The following OPCML variants were observed in gnomAD, a reference collection of about 807,000 sequenced individuals.
The protein encoded by OPCML is opioid-binding protein/cell adhesion molecule.
A neutral mutation model predicts 37.8 loss-of-function variants in OPCML; 13 were observed. That is an observed-to-expected ratio of 0.34 (90% CI 0.22 to 0.55). The LOEUF is 0.55. Among genes scored for constraint, OPCML ranks in the 20% least tolerant of loss-of-function variants. The probability of loss-of-function intolerance (pLI) is 0.91; values close to 1 mark genes in which losing one functional copy is unlikely to be tolerated. For synonymous variants in OPCML, 176 were observed against 168.8 expected (o/e 1.04, Z -0.33); for missense variants, 341 against 435.6 (o/e 0.78, Z 1.93).
chr11:133,267,898 C>T (rs946939210), intron 1 of OPCML, among the ~76,000 whole-genome samples: 2 of 152,146 alleles, frequency 1.3e-5, no homozygotes, highest in African/African-American at 2.4e-5. Flanking sequence ...GGAGGCCTCC[C>T]CAGCCATGTG....
intron 2 of OPCML, among the ~76,000 whole-genome samples, chr11:132,720,027 T>C (rs1414071808): frequency 6.6e-6 from 1 of 152,228 alleles, no homozygotes; most frequent in Non-Finnish European, 1.5e-5. Flanking sequence ...GGCATAATCA[T>C]GGCACAAAAC....
intron 3 of OPCML, among the ~76,000 whole-genome samples, chr11:132,622,915 C>T (rs554250655): frequency 6.6e-6 from 1 of 152,152 alleles, no homozygotes; most frequent in South Asian, 2.1e-4. Flanking sequence ...ACTTACTGTA[C>T]AGCCTCAGGC....
intron 3 of OPCML, among the ~76,000 whole-genome samples, chr11:132,571,646 C>G (rs73036858): frequency 2.0e-5 from 3 of 152,146 alleles, no homozygotes; most frequent in Non-Finnish European, 2.9e-5. Flanking sequence ...TACACATACA[C>G]CACGTTGTCT....
At chr11:133,221,743 G>A (rs73598457) in intron 1 of OPCML, among the ~76,000 whole-genome samples, 12,293 of 152,172 alleles carry the variant, frequency 0.081, 776 homozygotes, top group African/African-American at 0.17. Context: ...TATTTGTACA[G>A]AAGGCTATTT....
At chr11:133,239,885 A>G (rs1260282979) in intron 1 of OPCML, among the ~76,000 whole-genome samples, 3 of 152,178 alleles carry the variant, frequency 2.0e-5, no homozygotes, top group Non-Finnish European at 4.4e-5. Flanking sequence ...GCAAGCTTTT[A>G]TAAAAAGGAA....
At chr11:132,570,925 A>G (rs2096436909) in intron 3 of OPCML, among the ~76,000 whole-genome samples, 1 of 151,200 alleles carries the variant, frequency 6.6e-6, no homozygotes, top group Admixed American at 6.6e-5. Context: ...ATCTCCAGAT[A>G]GCTGGTAAAA....
chr11:133,461,926 C>T (rs1946869169), intron 1 of OPCML, among the ~76,000 whole-genome samples: 2 of 151,796 alleles, frequency 1.3e-5, no homozygotes, highest in African/African-American at 4.8e-5. Flanking sequence ...GGCATAATGA[C>T]AGACGTTTAA....
intron 1 of OPCML, among the ~76,000 whole-genome samples, chr11:133,196,191 C>T (rs1245481050): frequency 2.0e-5 from 3 of 152,210 alleles, no homozygotes; most frequent in Admixed American, 6.5e-5. Context: ...TTGGGGTTTA[C>T]TGCACCAAAC....
At chr11:133,078,915 A>C (rs1948666747) in intron 1 of OPCML, among the ~76,000 whole-genome samples, 1 of 152,084 alleles carries the variant, frequency 6.6e-6, no homozygotes, top group South Asian at 2.1e-4. Context: ...GCACCCACCT[A>C]CTAGGGGTTA....
chr11:133,135,905 G>A lies in OPCML; in HGVS notation c.62-192895C>T, dbSNP rs574678455. Among the ~76,000 whole-genome samples, 3 of 152,346 alleles carry A rather than the reference G, an allele frequency of 2.0e-5. No homozygotes were observed. The South Asian group carries it at 6.2e-4, about 32-fold the overall frequency. On this transcript the variant is annotated intron_variant, in intron 1 of 7. Transcript: ENST00000524381. ...AAGAGAAACAAGAGGTAAGCAGAAT[G>A]TAATTACCCAAGTTGGAAAGTTGCC...
chr11:132,944,947 A>C (rs935766112), intron 1 of OPCML, among the ~76,000 whole-genome samples: 4 of 152,248 alleles, frequency 2.6e-5, no homozygotes, highest in Non-Finnish European at 5.9e-5. Flanking sequence ...AATAAGCATT[A>C]AGCTCTTATC....
At chr11:132,735,213 G>A (rs1316698895) in intron 2 of OPCML, among the ~76,000 whole-genome samples, 1 of 152,102 alleles carries the variant, frequency 6.6e-6, no homozygotes, top group Non-Finnish European at 1.5e-5. Flanking sequence ...TATAGCCTAG[G>A]AAACTATCAG....
chr11:132,861,437 G>A (rs987863141), intron 2 of OPCML, among the ~76,000 whole-genome samples: 1 of 152,216 alleles, frequency 6.6e-6, no homozygotes, highest in African/African-American at 2.4e-5. Context: ...GTCTACATAT[G>A]TATATGCTTA....
At chr11:133,080,494 T>C (rs1383017600) in intron 1 of OPCML, among the ~76,000 whole-genome samples, 82 of 128,340 alleles carry the variant, frequency 6.4e-4, no homozygotes, top group African/African-American at 1.9e-3. Context: ...TTTTTTTTTT[T>C]CCTAAAATAG....
chr11:133,483,593 CATAG>C (rs1371543701), intron 1 of OPCML, among the ~76,000 whole-genome samples: 2 of 150,152 alleles, frequency 1.3e-5, no homozygotes, highest in South Asian at 2.1e-4. Flanking sequence ...TAGATAGATT[CATAG>C]ATAGAAAGAG....
At chr11:132,467,660 G>T (rs2096123943) in intron 4 of OPCML, among the ~76,000 whole-genome samples, 1 of 152,178 alleles carries the variant, frequency 6.6e-6, no homozygotes, top group Admixed American at 6.5e-5. Flanking sequence ...GGAGAATACT[G>T]AGTGCGGAAA....
chr11:132,763,792 T>C (rs1203807020), intron 2 of OPCML, among the ~76,000 whole-genome samples: 5 of 152,170 alleles, frequency 3.3e-5, no homozygotes, highest in African/African-American at 1.2e-4. Flanking sequence ...CTGTCACTCC[T>C]CGGAAGGTGG....
chr11:133,300,130 T>C (rs544989888), intron 1 of OPCML: 1 of 151,524 alleles, frequency 6.6e-6, no homozygotes, highest in Admixed American at 6.6e-5. Context: ...TTAGGAAGAG[T>C]TCAGAAGCAG....
intron 1 of OPCML, among the ~76,000 whole-genome samples, chr11:133,139,069 A>T (rs1273157488): frequency 6.6e-6 from 1 of 152,218 alleles, no homozygotes; most frequent in Non-Finnish European, 1.5e-5. Flanking sequence ...ATTTTTCCAG[A>T]TATGCCATAA....
Sources: gnomAD v4.1 joint callset for allele counts (sites outside exome capture counted in the v4.1 genomes callset) on GRCh38, gnomAD v4.1.1 for gene constraint, MANE v1.5 for transcripts, NCBI Gene and HGNC (gene_info 2026-07-23, HGNC 2026-07-21) for gene names.